WNT3A: variants seen among roughly 807,000 people sequenced by gnomAD.
WNT3A encodes protein Wnt-3a.
WNT3A carries 17 observed loss-of-function variants against 37.0 expected under a neutral mutation model. The observed-to-expected ratio is 0.46, with a 90% CI of 0.31 to 0.69. The LOEUF is 0.69. Ranked by LOEUF, WNT3A falls within the 30% of genes least tolerant of loss-of-function variation. The pLI, the probability that WNT3A is intolerant of heterozygous loss-of-function variation, is 0.05. For synonymous variants in WNT3A, 187 were observed against 211.0 expected (o/e 0.89, Z 0.99); for missense variants, 411 against 510.2 (o/e 0.81, Z 1.87).
chr1:228,022,965 C>T (rs2102765361), intron 2 of WNT3A, 57 bp downstream of exon 2: 2 of 1,547,274 alleles, frequency 1.3e-6, no homozygotes, highest in Non-Finnish European at 1.7e-6. Flanking sequence ...GAGTCTCCCG[C>T]CTAGCGCTGC....
chr1:228,059,939 G>A lies in WNT3A; in HGVS notation c.*474G>A. On this transcript the variant is annotated 3_prime_UTR_variant, in exon 4 of 4. Coordinates refer to ENST00000284523, the MANE Select transcript of WNT3A (RefSeq NM_033131.4). Reference sequence around the variant, plus strand: ...TAGGATGGGGCACGGCTCTGGGGTAGGCTGCTCCCTGAGGGCGGAGCGCCT... The same window carrying A: ...TAGGATGGGGCACGGCTCTGGGGTAAGCTGCTCCCTGAGGGCGGAGCGCCT... 9.1e-7 allele frequency: 1 copy of A among 1,102,214 alleles called. No individual in the cohort carries two copies. Among genetic ancestry groups the A allele is most frequent in the Non-Finnish European group, 1.1e-6 (1 of 896,082 alleles). 68.3% of individuals were successfully genotyped at this position (1,102,214 alleles called of 1,614,324 possible).
intron 2 of WNT3A, among the ~76,000 whole-genome samples, chr1:228,045,585 C>G (rs2031384244): frequency 6.6e-6 from 1 of 152,216 alleles, no homozygotes; most frequent in African/African-American, 2.4e-5. Flanking sequence ...TGCTCTGCAT[C>G]CAGCCACACG....
rs2031509271 is a variant in WNT3A, at chr1:228,050,061, A to C, written c.314-595A>C. Among the ~76,000 whole-genome samples, 1 of 151,840 alleles carries C rather than the reference A, an allele frequency of 6.6e-6. No individual in the cohort carries two copies. The highest frequency in any genetic ancestry group is 6.6e-5 in the Admixed American group (1 of 15,244). On this transcript the variant is annotated intron_variant, in intron 2 of 3. Coordinates refer to ENST00000284523, the MANE Select transcript of WNT3A (RefSeq NM_033131.4). The surrounding 1 kb of genome is among the most constrained non-coding windows in gnomAD (Gnocchi z 5.0). ...CCCAAAGGGCTGGGATTACAGATGT[A>C]AGCCACCTTGCCAGCTGTATGTTTT...
chr1:228,058,763 GCCC>G (rs931512738), intron 3 of WNT3A, among the ~76,000 whole-genome samples: 1 of 152,236 alleles, frequency 6.6e-6, no homozygotes, highest in African/African-American at 2.4e-5. Flanking sequence ...GAAGAGGGGA[GCCC>G]CCCAAGCCCT....
chr1:228,027,692 C>T (rs556797140), intron 2 of WNT3A, among the ~76,000 whole-genome samples: 2 of 152,198 alleles, frequency 1.3e-5, no homozygotes, highest in African/African-American at 4.8e-5. Context: ...CAAATGTATG[C>T]TTTGTGAATA....
At position 228,038,011 on chromosome 1, in the gene WNT3A, G is replaced by A. The variant is rs908962214; in HGVS notation, c.314-12645G>A. Among the ~76,000 whole-genome samples, 1 of 152,144 alleles carries A rather than the reference G, an allele frequency of 6.6e-6. No homozygotes were observed. Among genetic ancestry groups the A allele is most frequent in the Admixed American group, 6.5e-5 (1 of 15,280 alleles). ...CGCCGGCCATTGTGGGCCTAACTCG[G>A]CGTGACAGTGGCGCACAAAGCCGGA... is the stretch of plus-strand genomic sequence containing the variant. On this transcript the variant is annotated intron_variant, in intron 2 of 3. Coordinates refer to ENST00000284523, the MANE Select transcript of WNT3A (RefSeq NM_033131.4). This position sits in a 1 kb window ranked among gnomAD's most constrained non-coding sequence, Gnocchi z 5.7.
chr1:228,041,619 C>T lies in WNT3A; in HGVS notation c.314-9037C>T, dbSNP rs553785933. Among the ~76,000 whole-genome samples the T allele has an allele frequency of 1.1e-4, 17 of 152,306 alleles. No individual in the cohort carries two copies. In the South Asian group the frequency reaches 3.1e-3, roughly 28 times the overall value. On this transcript the variant is annotated intron_variant, in intron 2 of 3. Transcript: ENST00000284523. ...TCAATCCATCATCTATCCACCCACC[C>T]ATCCATCTACCCATTATTCATCACC...
In WNT3A at chr1:228,059,292, A is replaced by T; in HGVS notation, c.886A>T (p.Thr296Ser). The T allele has an allele frequency of 1.3e-6, 2 of 1,589,016 alleles. No individual in the cohort carries two copies. Among genetic ancestry groups the T allele is most frequent in the Non-Finnish European group, 1.7e-6 (2 of 1,172,040 alleles). Residue 296 changes from threonine to serine, a missense_variant, in exon 4 of 4, where the codon ACC (threonine) becomes TCC (serine). Transcript: ENST00000284523. ...ETGSFGTRDRTCNVSSHGIDG... is the reference protein window; with the variant it reads ...ETGSFGTRDRSCNVSSHGIDG... ...GGGCTCCTTCGGCACGCGCGACCGC[A>T]CCTGCAACGTCAGCTCGCACGGCAT...
At chr1:228,035,963 C>T (rs1245545694) in intron 2 of WNT3A, among the ~76,000 whole-genome samples, 1 of 152,236 alleles carries the variant, frequency 6.6e-6, no homozygotes, top group Non-Finnish European at 1.5e-5. Context: ...GAAGTCCCGG[C>T]TCCTCCCTCC....
chr1:228,030,410 G>C (rs552631588), intron 2 of WNT3A, among the ~76,000 whole-genome samples: 2 of 150,644 alleles, frequency 1.3e-5, no homozygotes, highest in Non-Finnish European at 3.0e-5. Flanking sequence ...AAAAAAAAAG[G>C]AAAAATATAA....
In WNT3A at chr1:228,050,533, T is replaced by G; in HGVS notation, c.314-123T>G. ...CGTGAACCAAGTAAGCCTCTTTGCC[T>G]TATACACCACCCAACCTCACGAGTT... On this transcript the variant is annotated intron_variant, in intron 2 of 3. Transcript: ENST00000284523. The surrounding 1 kb of genome is among the most constrained non-coding windows in gnomAD (Gnocchi z 5.0). 1 of 1,285,088 alleles carries G rather than the reference T, an allele frequency of 7.8e-7. No individual in the cohort carries two copies. The highest frequency in any genetic ancestry group is 1.0e-6 in the Non-Finnish European group (1 of 962,086). 79.6% of individuals were successfully genotyped at this position (1,285,088 alleles called of 1,614,324 possible). A position where few individuals can be genotyped will look rare whatever the true frequency, so the allele number is the denominator to read the frequency against.
rs2030748761 is a variant in WNT3A at position 228,022,766 on chromosome 1, G to A, written c.171G>A (p.Arg57=). ...TCCCCAAGCAGCTCCGCTTCTGCAG[G>A]AACTACGTGGAGATCATGCCCAGCG... ...GLVPKQLRFC[R]NYVEIMPSVA... Residue 57 remains arginine (R), a synonymous_variant, in exon 2 of 4, where the codon AGG becomes AGA. Transcript: ENST00000284523. 6 of 1,614,170 alleles carry A rather than the reference G, an allele frequency of 3.7e-6. No individual in the cohort carries two copies. The highest frequency in any genetic ancestry group is 4.2e-6 in the Non-Finnish European group (5 of 1,180,046).
chr1:228,027,239 G>T (rs567291814), intron 2 of WNT3A, among the ~76,000 whole-genome samples: 1 of 152,374 alleles, frequency 6.6e-6, no homozygotes, highest in South Asian at 2.1e-4. Context: ...GTGAACATAT[G>T]TGTGCAAGTG....
intron 3 of WNT3A, among the ~76,000 whole-genome samples, chr1:228,053,203 C>T (rs1171869562): frequency 6.6e-6 from 1 of 152,136 alleles, no homozygotes; most frequent in Non-Finnish European, 1.5e-5. Flanking sequence ...GCCTCCCAAA[C>T]CATGAAAGAA....
chr1:228,020,205 A>AGAGC (rs1347059858), intron 1 of WNT3A, among the ~76,000 whole-genome samples: 1 of 152,248 alleles, frequency 6.6e-6, no homozygotes, highest in African/African-American at 2.4e-5. Flanking sequence ...CCTGGGCAAC[A>AGAGC]GAGCGAGACT....
chr1:228,007,094 C>T lies in WNT3A; in HGVS notation c.-35C>T, dbSNP rs1207816826. Reference sequence around the variant, plus strand: ...CCCCCCGGCGCTCACGCTCTCGGGGCGGACTCCCGGCCCTCCGCGCCCTCT... The same window carrying T: ...CCCCCCGGCGCTCACGCTCTCGGGGTGGACTCCCGGCCCTCCGCGCCCTCT... On this transcript the variant is annotated 5_prime_UTR_variant, in exon 1 of 4. Coordinates refer to ENST00000284523, the MANE Select transcript of WNT3A (RefSeq NM_033131.4). The surrounding 1 kb of genome is among the most constrained non-coding windows in gnomAD (Gnocchi z 6.0). The T allele has an allele frequency of 1.3e-6, 2 of 1,504,334 alleles. No homozygotes were observed. The allele number at this position is 1,504,334 out of a possible 1,614,324, so 93.2% of individuals were successfully genotyped here. A position where few individuals can be genotyped will look rare whatever the true frequency, so the allele number is the denominator to read the frequency against.
intron 1 of WNT3A, among the ~76,000 whole-genome samples, chr1:228,015,980 C>G (rs1359736915): frequency 1.3e-5 from 2 of 152,120 alleles, no homozygotes; most frequent in African/African-American, 4.8e-5. Flanking sequence ...CAGGCAGGAG[C>G]CACGGACTGA....
At chr1:228,041,077 T>C (rs1002324939) in intron 2 of WNT3A, among the ~76,000 whole-genome samples, 16 of 151,138 alleles carry the variant, frequency 1.1e-4, no homozygotes, top group Admixed American at 5.3e-4. Context: ...CTATATCTTT[T>C]CCTGTCTCAA....
intron 2 of WNT3A, among the ~76,000 whole-genome samples, chr1:228,036,037 G>C (rs2031132276): frequency 6.6e-6 from 1 of 152,108 alleles, no homozygotes; most frequent in Non-Finnish European, 1.5e-5. Flanking sequence ...GAGCCCGCCG[G>C]GTGCCTCAGA....
Sources: allele counts gnomAD v4.1 joint callset (sites outside exome capture counted in the v4.1 genomes callset), GRCh38; gene constraint gnomAD v4.1.1; non-coding constraint Gnocchi (gnomAD v3.1); transcripts MANE v1.5; gene names NCBI Gene and HGNC (gene_info 2026-07-23, HGNC 2026-07-21).